Variants in NTRK3 observed in about 807,000 individuals in gnomAD.
The protein encoded by NTRK3 is NT-3 growth factor receptor.
In NTRK3, 24 loss-of-function variants were observed where a neutral mutation model predicts 91.7. The observed-to-expected ratio is 0.26, with a 90% CI of 0.19 to 0.37. The LOEUF is 0.37. NTRK3 is among the 10% of genes least tolerant of loss of function. The pLI is 1.00. For synonymous variants in NTRK3, 483 were observed against 404.0 expected (o/e 1.20, Z -2.34); for missense variants, 880 against 1,068.9 (o/e 0.82, Z 2.46).
chr15:88,104,095 G>T (rs2050452426), intron 13 of NTRK3, among the ~76,000 whole-genome samples: 1 of 152,210 alleles, frequency 6.6e-6, no homozygotes, highest in Non-Finnish European at 1.5e-5. Flanking sequence ...AAGCAGAGCT[G>T]ATCCTGGGTC....
chr15:88,011,291 C>T (rs1036374704), intron 14 of NTRK3, among the ~76,000 whole-genome samples: 2 of 152,180 alleles, frequency 1.3e-5, no homozygotes, highest in Non-Finnish European at 2.9e-5. Context: ...CAACAGAAAG[C>T]TCAGTCTCCA....
At chr15:87,937,409 G>C (rs1235655968) in intron 15 of NTRK3, among the ~76,000 whole-genome samples, 1 of 152,090 alleles carries the variant, frequency 6.6e-6, no homozygotes, top group African/African-American at 2.4e-5. Context: ...AGAGTGGAAG[G>C]AAAAAGCATA....
chr15:88,093,769 C>A (rs1398982187), intron 13 of NTRK3, among the ~76,000 whole-genome samples: 1 of 151,890 alleles, frequency 6.6e-6, no homozygotes, highest in African/African-American at 2.4e-5. Flanking sequence ...CTTTAACACT[C>A]TCTGTGGGCC....
chr15:87,989,872 G>A (rs1395521964), intron 14 of NTRK3, among the ~76,000 whole-genome samples: 2 of 151,964 alleles, frequency 1.3e-5, no homozygotes, highest in Admixed American at 6.6e-5. Context: ...CTCCCAAAGC[G>A]CTGGGATTAC....
Position 87,984,166 on chromosome 15 carries a change from T to C in NTRK3, c.1586-43413A>G, listed in dbSNP as rs574896975. ...ATAGTCATACCCTAACCAAGGGTTG[T>C]GGAATATCTGAGAATACCCTTGGTA... is the stretch of plus-strand genomic sequence containing the variant. On this transcript the variant is annotated intron_variant, in intron 14 of 18. Coordinates refer to ENST00000394480, the Ensembl canonical transcript of NTRK3. Among the ~76,000 whole-genome samples, 19 of 152,296 alleles carry C rather than the reference T, an allele frequency of 1.2e-4. No homozygotes were observed. In the South Asian group the frequency reaches 3.9e-3, roughly 32 times the overall value.
At chr15:88,072,631 ACACAGTTAATGCACAATTTGATGAGACAC>A in intron 13 of NTRK3, 1 of 232,782 alleles carries the variant, frequency 4.3e-6, no homozygotes, top group Non-Finnish European at 8.5e-6. Flanking sequence ...TCTTATTGTA[ACACAGTTAATGCACAATTTGATGAGACAC>A]CCTTGGTTTG....
intron 3 of NTRK3, among the ~76,000 whole-genome samples, chr15:88,191,089 T>C (rs116147683): frequency 6.6e-6 from 1 of 152,118 alleles, no homozygotes; most frequent in Non-Finnish European, 1.5e-5. Context: ...CACATTTACA[T>C]GGCGGTACCT....
chr15:87,965,438 C>T (rs1267148347), intron 14 of NTRK3, among the ~76,000 whole-genome samples: 4 of 152,172 alleles, frequency 2.6e-5, no homozygotes, highest in Non-Finnish European at 4.4e-5. Flanking sequence ...ATGCTGGTCA[C>T]GGCATCCAGA....
chr15:87,942,264 C>T (rs972712932), intron 14 of NTRK3, among the ~76,000 whole-genome samples: 3 of 152,206 alleles, frequency 2.0e-5, no homozygotes, highest in Non-Finnish European at 2.9e-5. Context: ...TGCTGACGAC[C>T]GCTCCTCCCA....
chr15:88,036,966 C>T (rs939695208), intron 13 of NTRK3, among the ~76,000 whole-genome samples: 1 of 152,156 alleles, frequency 6.6e-6, no homozygotes, highest in Admixed American at 6.5e-5. Flanking sequence ...CCATAGATAG[C>T]AAGTAGTCAA....
chr15:87,875,956 A>G (rs890562113), exon 19 of NTRK3: 4 of 231,998 alleles, frequency 1.7e-5, no homozygotes, highest in African/African-American at 8.8e-5. Flanking sequence ...CAAAGATAAC[A>G]TGGGGACCTG....
intron 14 of NTRK3, among the ~76,000 whole-genome samples, chr15:88,016,956 TAAA>T (rs67163869): frequency 5.2e-4 from 44 of 84,320 alleles, no homozygotes; most frequent in African/African-American, 1.7e-3. Context: ...AGACGAAGCT[TAAA>T]AAAAAAAAAA....
chr15:88,012,459 T>C (rs1214381800), intron 14 of NTRK3, among the ~76,000 whole-genome samples: 1 of 152,152 alleles, frequency 6.6e-6, no homozygotes, highest in Non-Finnish European at 1.5e-5. Context: ...AACTTGCCCA[T>C]TTGGAGAGGC....
chr15:87,887,760 A>G (rs2065633451), intron 17 of NTRK3, among the ~76,000 whole-genome samples: 1 of 152,200 alleles, frequency 6.6e-6, no homozygotes, highest in Non-Finnish European at 1.5e-5. Flanking sequence ...AGAAACAGTA[A>G]TATGAACAAT....
At chr15:88,070,670 C>G (rs1027917669) in intron 13 of NTRK3, among the ~76,000 whole-genome samples, 4 of 152,152 alleles carry the variant, frequency 2.6e-5, no homozygotes, top group African/African-American at 9.7e-5. Flanking sequence ...CTCCCCCAGC[C>G]CAGTGAAACT....
At chr15:88,256,518 CA>C (rs561718241) in intron 1 of NTRK3, 32 bp from the exon 2 acceptor site, 68,504 of 316,486 alleles carry the variant, frequency 0.22, 983 homozygotes, top group African/African-American at 0.26. Context: ...GGTGGGGAGG[CA>C]AAAAAAAAAA....
intron 13 of NTRK3, among the ~76,000 whole-genome samples, chr15:88,078,070 T>G (rs1407881894): frequency 6.6e-6 from 1 of 152,290 alleles, no homozygotes; most frequent in Non-Finnish European, 1.5e-5. Flanking sequence ...CCTCTAAGAA[T>G]AGAGGACAAA....
intron 18 of NTRK3, 43 bp from the exon 20 acceptor site, chr15:87,877,163 G>A (rs2141439391): frequency 6.2e-7 from 1 of 1,604,648 alleles, no homozygotes; most frequent in Non-Finnish European, 8.5e-7. Flanking sequence ...CCAAAGCTCA[G>A]CCTTGGTCCT....
At chr15:88,170,472 CTA>C (rs1427335136) in intron 5 of NTRK3, among the ~76,000 whole-genome samples, 2 of 152,218 alleles carry the variant, frequency 1.3e-5, no homozygotes, top group East Asian at 3.9e-4. Context: ...TACTCAGGTT[CTA>C]TGTTTGTCAA....
Sources: gnomAD v4.1 joint callset for allele counts (sites outside exome capture counted in the v4.1 genomes callset) on GRCh38, gnomAD v4.1.1 for gene constraint, MANE v1.5 for transcripts, NCBI Gene and HGNC (gene_info 2026-07-23, HGNC 2026-07-21) for gene names.